The following RARS1 variants were observed in gnomAD, a reference collection of about 807,000 sequenced individuals.
RARS1 encodes the protein arginine--tRNA ligase, cytoplasmic.
Under a neutral mutation model 78.7 loss-of-function variants are expected in RARS1, and 75 were observed. That is an observed-to-expected ratio of 0.95 (90% CI 0.79 to 1.15). The LOEUF is 1.15. Ranked by LOEUF, RARS1 falls within the 50% of genes most tolerant of loss-of-function variation. RARS1 has a pLI of 0.00. For synonymous variants in RARS1, 273 were observed against 268.2 expected (o/e 1.02, Z -0.18); for missense variants, 787 against 787.5 (o/e 1.00, Z 0.01).
chr5:168,506,130 G>A lies in RARS1; in HGVS notation c.1167G>A (p.Leu389=). 3.1e-6 allele frequency: 5 copies of A among 1,600,474 alleles called. No homozygotes were observed. Among genetic ancestry groups the A allele is most frequent in the Non-Finnish European group, 4.3e-6 (5 of 1,172,820 alleles). Residue 389 remains leucine (L), a synonymous_variant, in exon 10 of 15, where the codon CTG becomes CTA. Coordinates refer to ENST00000231572, the MANE Select transcript of RARS1 (RefSeq NM_002887.4). ...DGGYTYDTSD[L]AAIKQRLFEE... is the part of the protein sequence containing the mutation. ...GTTATACCTATGATACATCTGACCT[G>A]GCTGCTATTAAACAAAGACTATTTG...
intron 9 of RARS1, among the ~76,000 whole-genome samples, chr5:168,503,069 C>T (rs1758364515): frequency 1.3e-5 from 2 of 152,226 alleles, no homozygotes; most frequent in South Asian, 4.1e-4. Context: ...ATGTTTTATT[C>T]CTTTTTTTGT....
At chr5:168,503,674 G>T (rs1028824206) in intron 9 of RARS1, among the ~76,000 whole-genome samples, 3 of 151,708 alleles carry the variant, frequency 2.0e-5, no homozygotes, top group Non-Finnish European at 4.4e-5. Flanking sequence ...TACATTTCCT[G>T]CCTCAGACCT....
At chr5:168,498,702 C>A (rs1357170785) in intron 7 of RARS1, among the ~76,000 whole-genome samples, 1 of 152,062 alleles carries the variant, frequency 6.6e-6, no homozygotes, top group African/African-American at 2.4e-5. Flanking sequence ...TTCAGTGGCT[C>A]ACACTTGTAA....
intron 10 of RARS1, among the ~76,000 whole-genome samples, 193 bp downstream of exon 10, chr5:168,506,392 G>C (rs1030327014): frequency 4.6e-5 from 7 of 152,166 alleles, no homozygotes; most frequent in Admixed American, 6.5e-5. Context: ...TTTCCAGCTT[G>C]CCTCCACAAA....
intron 12 of RARS1, among the ~76,000 whole-genome samples, chr5:168,513,218 TG>T (rs377255062): frequency 7.1e-6 from 1 of 140,904 alleles, no homozygotes. Flanking sequence ...GCTAATTTTT[TG>T]TATTTTTTTT....
chr5:168,489,219 G>A (rs568827415), intron 2 of RARS1, among the ~76,000 whole-genome samples: 4 of 151,812 alleles, frequency 2.6e-5, no homozygotes, highest in Admixed American at 1.3e-4. Context: ...GGGTCTTGCT[G>A]TGTTGGCCAG....
intron 9 of RARS1, among the ~76,000 whole-genome samples, chr5:168,502,323 T>C (rs2152904827): frequency 6.7e-6 from 1 of 149,872 alleles, no homozygotes; most frequent in East Asian, 1.9e-4. Context: ...AACAGGACCT[T>C]CTTTCTGCCC....
chr5:168,500,065 G>A (rs1215908437), intron 7 of RARS1, among the ~76,000 whole-genome samples: 7 of 151,908 alleles, frequency 4.6e-5, no homozygotes, highest in Admixed American at 2.6e-4. Context: ...GCTTGTGCCT[G>A]TAATCCCAGC....
intron 3 of RARS1, 157 bp downstream of exon 3, chr5:168,493,004 G>A (rs984995373): frequency 1.0e-5 from 7 of 693,176 alleles, no homozygotes; most frequent in African/African-American, 8.9e-5. Flanking sequence ...GGGGGTATAT[G>A]TTTTAACTTT....
chr5:168,508,600 A>C (rs1758496831), intron 11 of RARS1, among the ~76,000 whole-genome samples: 1 of 142,026 alleles, frequency 7.0e-6, no homozygotes, highest in South Asian at 2.4e-4. Flanking sequence ...AGCGTGGGCG[A>C]CAGAGCAAGA....
At position 168,505,594 on chromosome 5, in the gene RARS1, C is replaced by G. The variant is rs181430511; in HGVS notation, c.1058-427C>G. Among the ~76,000 whole-genome samples, 143 of 152,034 alleles carry G rather than the reference C, an allele frequency of 9.4e-4. 5 individuals are homozygous for G. The East Asian group carries it at 0.022, about 24-fold the overall frequency. On this transcript the variant is annotated intron_variant, in intron 9 of 14. Transcript: ENST00000231572. ...GGTTCCAACTAAAGAGTTTGGGAGG[C>G]CAGGCATGGTGGCTCACACCTGTAA... is the stretch of plus-strand genomic sequence containing the variant.
At chr5:168,500,946 A>G (rs573039030) in intron 8 of RARS1, among the ~76,000 whole-genome samples, 1 of 152,318 alleles carries the variant, frequency 6.6e-6, no homozygotes, top group South Asian at 2.1e-4. Context: ...TAATTAGAAA[A>G]TAAAGTGGAA....
rs116361226 is a variant in RARS1 at position 168,514,307 on chromosome 5, C to T, written c.1453-2471C>T. On this transcript the variant is annotated intron_variant, in intron 12 of 14. Transcript: ENST00000231572. ...GGCCCTATCTCTTCAAATGCTACTA[C>T]TTTTCCGCATTCTGTTATTTTTGGT... 2.4e-3 allele frequency among the ~76,000 whole-genome samples: 364 copies of T among 152,266 alleles called. 2 individuals are homozygous for T. Among genetic ancestry groups the T allele is most frequent in the African/African-American group, 8.5e-3 (353 of 41,560 alleles).
intron 2 of RARS1, among the ~76,000 whole-genome samples, chr5:168,490,373 G>T (rs959355360): frequency 1.3e-5 from 2 of 152,184 alleles, no homozygotes; most frequent in Non-Finnish European, 2.9e-5. Flanking sequence ...ACAAAAGGAA[G>T]TACAGTATTT....
intron 8 of RARS1, among the ~76,000 whole-genome samples, chr5:168,501,346 C>G (rs1020563452): frequency 2.6e-5 from 4 of 151,562 alleles, no homozygotes; most frequent in Non-Finnish European, 5.9e-5. Context: ...TCAGGAAAAA[C>G]CAGAAGAAAA....
intron 12 of RARS1, among the ~76,000 whole-genome samples, chr5:168,515,388 G>T (rs921435384): frequency 6.6e-6 from 1 of 152,112 alleles, no homozygotes; most frequent in African/African-American, 2.4e-5. Context: ...CTGGCCTCAA[G>T]TGATCCTTCC....
intron 6 of RARS1, among the ~76,000 whole-genome samples, chr5:168,496,852 A>C (rs1422600041): frequency 6.6e-6 from 1 of 152,228 alleles, no homozygotes; most frequent in East Asian, 1.9e-4. Context: ...ATATTAAGAT[A>C]ATGGTTAAAA....
chr5:168,503,212 T>C (rs1758367139), intron 9 of RARS1, among the ~76,000 whole-genome samples: 1 of 152,256 alleles, frequency 6.6e-6, no homozygotes, highest in African/African-American at 2.4e-5. Flanking sequence ...CATCAGACTT[T>C]TCCCTATTGG....
chr5:168,508,325 T>A lies in RARS1; in HGVS notation c.1346+1494T>A, dbSNP rs553869771. Among the ~76,000 whole-genome samples the A allele has an allele frequency of 6.5e-4, 98 of 151,788 alleles. 1 individual carries two copies. Among genetic ancestry groups the A allele is most frequent in the African/African-American group, 2.1e-3 (88 of 41,440 alleles). On this transcript the variant is annotated intron_variant, in intron 11 of 14. Transcript: ENST00000231572. ...CTATCCCACCCGCCTTTTTTTTTTT[T>A]ATTTTTTAAATTTTGGGCCAGGCAC... is the stretch of plus-strand genomic sequence containing the variant.
Sources: allele counts gnomAD v4.1 joint callset (sites outside exome capture counted in the v4.1 genomes callset), GRCh38; gene constraint gnomAD v4.1.1; transcripts MANE v1.5; gene names NCBI Gene and HGNC (gene_info 2026-07-23, HGNC 2026-07-21).